The following ZNF704 variants were observed in gnomAD, a reference collection of about 807,000 sequenced individuals.
ZNF704 encodes glucocorticoid induced gene 1.
In ZNF704, 10 loss-of-function variants were observed where a neutral mutation model predicts 44.7. The ratio of observed to expected loss-of-function variants is 0.22; its 90% confidence interval spans 0.14 to 0.38. The LOEUF is 0.38. Ranked by LOEUF, ZNF704 falls within the 10% of genes least tolerant of loss-of-function variation. The pLI, the probability that ZNF704 is intolerant of heterozygous loss-of-function variation, is 1.00. For synonymous variants in ZNF704, 211 were observed against 207.6 expected (o/e 1.02, Z -0.14); for missense variants, 390 against 545.5 (o/e 0.71, Z 2.84).
At chr8:80,674,537 T>A (rs1008895140) in intron 4 of ZNF704, among the ~76,000 whole-genome samples, 2 of 152,132 alleles carry the variant, frequency 1.3e-5, no homozygotes, top group African/African-American at 2.4e-5. Flanking sequence ...CAAGGGGTGT[T>A]CTGGCTTTAC....
intron 2 of ZNF704, among the ~76,000 whole-genome samples, chr8:80,729,477 G>A (rs1052489226): frequency 1.3e-5 from 2 of 152,002 alleles, no homozygotes; most frequent in African/African-American, 4.8e-5. Context: ...TAATGGGAAG[G>A]GTATGAGGAC....
Position 80,698,811 on chromosome 8 carries a change from G to A in ZNF704, c.222-5704C>T, listed in dbSNP as rs545621454. On this transcript the variant is annotated intron_variant, in intron 2 of 8. Transcript: ENST00000327835. The stretch of plus-strand genomic sequence containing the variant: ...GGGTGTGGCTGGTCTGCCCTTGAGC[G>A]CTCAGCTATGGCCTGTGCTTACAAA... Among the ~76,000 whole-genome samples the A allele has an allele frequency of 6.6e-5, 10 of 152,292 alleles. No individual in the cohort carries two copies. The South Asian group carries it at 8.3e-4, about 13-fold the overall frequency.
At chr8:80,838,732 T>TGGAGGAGGAGGAGGAGGA (rs140901931) in intron 1 of ZNF704, among the ~76,000 whole-genome samples, 20 of 128,174 alleles carry the variant, frequency 1.6e-4, no homozygotes, top group African/African-American at 6.0e-4. Context: ...GAGCAGACAC[T>TGGAGGAGGAGGAGGAGGA]GGAGGAGGAG....
intron 2 of ZNF704, among the ~76,000 whole-genome samples, chr8:80,739,329 C>T (rs1416441721): frequency 6.6e-6 from 1 of 152,128 alleles, no homozygotes; most frequent in Non-Finnish European, 1.5e-5. Context: ...ACTCTGTCTC[C>T]CTGGGATATG....
intron 4 of ZNF704, 46 bp from the exon 5 acceptor site, chr8:80,670,649 C>T: frequency 1.5e-6 from 2 of 1,353,292 alleles, no homozygotes; most frequent in Non-Finnish European, 2.1e-6. Flanking sequence ...TATTTTCTAA[C>T]AACATTTTCT....
chr8:80,704,357 T>G (rs2131647760), intron 2 of ZNF704, among the ~76,000 whole-genome samples: 1 of 152,366 alleles, frequency 6.6e-6, no homozygotes, highest in East Asian at 1.9e-4. Flanking sequence ...GCCCTCTGTG[T>G]GCATGTTGAG....
chr8:80,872,806 C>T (rs369389820), intron 1 of ZNF704, among the ~76,000 whole-genome samples: 3 of 152,182 alleles, frequency 2.0e-5, no homozygotes, highest in African/African-American at 7.2e-5. Context: ...CAGAAACTCA[C>T]ATCCAATTTA....
At chr8:80,652,244 C>T (rs1431733346) in intron 7 of ZNF704, among the ~76,000 whole-genome samples, 4 of 151,528 alleles carry the variant, frequency 2.6e-5, no homozygotes, top group African/African-American at 4.8e-5. Flanking sequence ...ACCCTAACAT[C>T]ACAATTAAAA....
chr8:80,761,322 G>C (rs919983733), intron 2 of ZNF704, among the ~76,000 whole-genome samples: 5 of 152,180 alleles, frequency 3.3e-5, no homozygotes, highest in African/African-American at 9.7e-5. Flanking sequence ...GAGCAGGAAA[G>C]AACTAGTACA....
At chr8:80,713,148 C>T (rs566602601) in intron 2 of ZNF704, among the ~76,000 whole-genome samples, 5 of 152,114 alleles carry the variant, frequency 3.3e-5, no homozygotes, top group African/African-American at 9.6e-5. Context: ...TCACTCGCCT[C>T]GGCATCATTT....
intron 1 of ZNF704, among the ~76,000 whole-genome samples, chr8:80,870,981 T>C (rs1317985617): frequency 2.6e-5 from 4 of 152,182 alleles, no homozygotes; most frequent in African/African-American, 9.6e-5. Flanking sequence ...ATTTACATCA[T>C]GGTCTCATCC....
intron 2 of ZNF704, among the ~76,000 whole-genome samples, chr8:80,777,256 C>T (rs1045043679): frequency 6.6e-6 from 1 of 152,040 alleles, no homozygotes; most frequent in South Asian, 2.1e-4. Flanking sequence ...CCTATTTAGC[C>T]TTGTATCATT....
chr8:80,879,136 A>G (rs1366700111), upstream of ZNF704, among the ~76,000 whole-genome samples: 1 of 152,218 alleles, frequency 6.6e-6, no homozygotes, highest in Non-Finnish European at 1.5e-5. Context: ...CTCAAGTTCC[A>G]TGATATAAAA....
chr8:80,835,980 A>T (rs796176291), intron 1 of ZNF704, among the ~76,000 whole-genome samples: 3 of 152,052 alleles, frequency 2.0e-5, no homozygotes, highest in East Asian at 1.9e-4. Flanking sequence ...TCTTACCTGG[A>T]TCTGTACAAT....
At chr8:80,649,937 C>T (rs1158611414) in intron 7 of ZNF704, among the ~76,000 whole-genome samples, 1 of 152,184 alleles carries the variant, frequency 6.6e-6, no homozygotes, top group Non-Finnish European at 1.5e-5. Context: ...TGACACCTCA[C>T]ACGGCCGGGT....
intron 1 of ZNF704, among the ~76,000 whole-genome samples, chr8:80,855,764 C>T (rs571290440): frequency 2.0e-5 from 3 of 152,256 alleles, no homozygotes; most frequent in East Asian, 3.9e-4. Context: ...TACCCCCATA[C>T]ATTTACACAA....
At chr8:80,796,931 GAAAAGGAAAAGA>G (rs1807813172) in intron 2 of ZNF704, among the ~76,000 whole-genome samples, 1 of 128,246 alleles carries the variant, frequency 7.8e-6, no homozygotes, top group African/African-American at 2.8e-5. Context: ...AAAGGGAAGG[GAAAAGGAAAAGA>G]AGGGAGGGAG....
chr8:80,825,251 CA>C (rs541376728), intron 1 of ZNF704, among the ~76,000 whole-genome samples: 18 of 149,384 alleles, frequency 1.2e-4, no homozygotes, highest in African/African-American at 2.7e-4. Flanking sequence ...AAATGGAAAA[CA>C]AAAAAAAAGC....
intron 2 of ZNF704, among the ~76,000 whole-genome samples, chr8:80,716,824 C>T (rs1004689284): frequency 6.6e-6 from 1 of 152,178 alleles, no homozygotes; most frequent in South Asian, 2.1e-4. Context: ...CAGTTTTAAC[C>T]TACTGAAGGA....
Sources: gnomAD v4.1 joint callset for allele counts (sites outside exome capture counted in the v4.1 genomes callset) on GRCh38, gnomAD v4.1.1 for gene constraint, MANE v1.5 for transcripts, NCBI Gene and HGNC (gene_info 2026-07-23, HGNC 2026-07-21) for gene names.